The following ZBTB25 variants were observed in gnomAD, a reference collection of about 807,000 sequenced individuals.
ZBTB25 encodes the protein zinc finger and BTB domain containing 25.
ZBTB25 carries 20 observed loss-of-function variants against 34.2 expected under a neutral mutation model. The observed-to-expected ratio is 0.58, with a 90% CI of 0.41 to 0.85. The LOEUF (loss-of-function observed/expected upper bound fraction) is 0.85. Among genes scored for constraint, ZBTB25 ranks in the 40% least tolerant of loss-of-function variants. ZBTB25 has a pLI of 0.00. For synonymous variants in ZBTB25, 175 were observed against 186.4 expected (o/e 0.94, Z 0.50); for missense variants, 437 against 521.8 (o/e 0.84, Z 1.58).
exon 3 of ZBTB25, chr14:64,449,549 C>T (rs1328327540): frequency 1.2e-6 from 2 of 1,614,170 alleles, no homozygotes; most frequent in Admixed American, 1.7e-5. Context: ...GGCAAGGGTG[C>T]CTTAGCCCTG....
intron 2 of ZBTB25, chr14:64,461,028 A>T (rs2078548699): frequency 6.6e-6 from 1 of 152,076 alleles, no homozygotes; most frequent in African/African-American, 2.4e-5. Flanking sequence ...TCTGTCTAAA[A>T]AAATAAATCA....
chr14:64,472,693 C>T (rs960015122), intron 2 of ZBTB25: 5 of 166,858 alleles, frequency 3.0e-5, no homozygotes, highest in African/African-American at 9.7e-5. Context: ...ATGGCCAAAT[C>T]CTATTACAGT....
chr14:64,496,243 G>A (rs1165796225), intron 1 of ZBTB25, among the ~76,000 whole-genome samples: 1 of 152,072 alleles, frequency 6.6e-6, no homozygotes, highest in African/African-American at 2.4e-5. Flanking sequence ...CCAGCACTTT[G>A]GGAGGCCAAG....
chr14:64,466,322 G>C (rs2078613115), intron 2 of ZBTB25, among the ~76,000 whole-genome samples: 1 of 152,154 alleles, frequency 6.6e-6, no homozygotes, highest in Non-Finnish European at 1.5e-5. Context: ...GTTTCTGTTT[G>C]GGTATTCGTT....
intron 1 of ZBTB25, among the ~76,000 whole-genome samples, chr14:64,491,599 A>T (rs2141033185): frequency 6.6e-6 from 1 of 152,376 alleles, no homozygotes; most frequent in Middle Eastern, 3.4e-3. Flanking sequence ...AAGAACATGC[A>T]GAATTCTGGC....
intron 2 of ZBTB25, among the ~76,000 whole-genome samples, chr14:64,451,010 A>G (rs573311554): frequency 1.3e-5 from 2 of 152,274 alleles, no homozygotes; most frequent in South Asian, 4.1e-4. Flanking sequence ...TCTACTAAAA[A>G]TACAAAAAAT....
At chr14:64,499,916 C>T (rs376440204) in intron 1 of ZBTB25, among the ~76,000 whole-genome samples, 6 of 152,178 alleles carry the variant, frequency 3.9e-5, no homozygotes, top group Non-Finnish European at 5.9e-5. Context: ...AACTGGGAAA[C>T]GTTAGTTTGG....
chr14:64,449,964 AT>A lies in ZBTB25; in HGVS notation c.174-327del, dbSNP rs199540813. On this transcript the variant is annotated intron_variant, in intron 2 of 2. Transcript: ENST00000555220. Reference sequence around the variant, plus strand: ...CCACCGTGCCCAGCTAATTTTTCTTATTTTTTTAGTAGAGATGGGGTTTCAC... The same window carrying A: ...CCACCGTGCCCAGCTAATTTTTCTTATTTTTTAGTAGAGATGGGGTTTCAC... Among the ~76,000 whole-genome samples, 1,140 of 151,952 alleles carry A rather than the reference AT, an allele frequency of 7.5e-3. 7 individuals are homozygous for A. The highest frequency in any genetic ancestry group is 0.027 in the African/African-American group (1,101 of 41,438).
chr14:64,502,597 C>T (rs2079532734), intron 1 of ZBTB25: 15 of 979,364 alleles, frequency 1.5e-5, no homozygotes, highest in Non-Finnish European at 1.8e-5. Flanking sequence ...CAAACCCACA[C>T]AGTGGCCATG....
chr14:64,502,158 C>CTGCAAGTACTCAGTAAAT (rs2079518708), intron 1 of ZBTB25, among the ~76,000 whole-genome samples: 1 of 152,252 alleles, frequency 6.6e-6, no homozygotes, highest in Non-Finnish European at 1.5e-5. Flanking sequence ...ACTTGGCCCA[C>CTGCAAGTACTCAGTAAAT]TGCAAGTACT....
At chr14:64,460,162 T>G (rs1340763886) in intron 2 of ZBTB25, 1 of 476,416 alleles carries the variant, frequency 2.1e-6, no homozygotes, top group Non-Finnish European at 3.7e-6. Context: ...AATGTATGCA[T>G]GCTTGTGTAT....
rs563992464 is a variant in ZBTB25 at position 64,458,242 on chromosome 14, G to A, written c.174-8604C>T. ...AGCACAATGCCTGGACTCCCCACCC[G>A]GCCCTGTTTTTATGATATTGATTTG... is the stretch of plus-strand genomic sequence containing the variant. On this transcript the variant is annotated intron_variant, in intron 2 of 2. Transcript: ENST00000555220. 30 of 1,612,856 alleles carry A rather than the reference G, an allele frequency of 1.9e-5. No homozygotes were observed. Among genetic ancestry groups the A allele is most frequent in the East Asian group, 2.2e-5 (1 of 44,860 alleles).
intron 2 of ZBTB25, chr14:64,458,576 T>C: frequency 2.1e-6 from 1 of 481,694 alleles, no homozygotes; most frequent in Non-Finnish European, 3.8e-6. Context: ...TCCAATAAAC[T>C]ACAGAGGAAA....
chr14:64,486,100 C>G lies in ZBTB25; in HGVS notation c.*823G>C. ...AGATGACGAGGTCAGGAGATCGAGA[C>G]CATCCTGGCTAACACGGTGAAACCC... On this transcript the variant is annotated 3_prime_UTR_variant, in exon 3 of 3. Transcript: ENST00000608382. The G allele has an allele frequency of 2.6e-6, 2 of 776,750 alleles. No homozygotes were observed. The highest frequency in any genetic ancestry group is 3.1e-6 in the Non-Finnish European group (2 of 640,412). The allele number at this position is 776,750 out of a possible 1,614,324, so 48.1% of individuals were successfully genotyped here.
In ZBTB25 at chr14:64,483,718, C is replaced by A. The variant is rs1286932632; in HGVS notation, c.*3205G>T. 6.6e-6 allele frequency: 1 copy of A among 152,030 alleles called. No individual in the cohort carries two copies. The highest frequency in any genetic ancestry group is 1.9e-4 in the East Asian group (1 of 5,188). 9.4% of individuals were successfully genotyped at this position (152,030 alleles called of 1,614,324 possible). On this transcript the variant is annotated 3_prime_UTR_variant, in exon 3 of 3. Coordinates refer to ENST00000608382, the MANE Select transcript of ZBTB25 (RefSeq NM_006977.5). ...GCAGACCCGGGCGCGGTGGCTCATG[C>A]CTGTAATCTGAGGCAGGCAGATCAT...
chr14:64,475,824 C>G (rs920804892), downstream of ZBTB25, among the ~76,000 whole-genome samples: 6 of 152,190 alleles, frequency 3.9e-5, no homozygotes, highest in Non-Finnish European at 5.9e-5. Context: ...AAACTCCAGC[C>G]TATCATAACA....
intron 2 of ZBTB25, among the ~76,000 whole-genome samples, chr14:64,464,805 AAGAT>A (rs1393771182): frequency 2.0e-5 from 3 of 152,300 alleles, no homozygotes; most frequent in African/African-American, 7.2e-5. Flanking sequence ...TGTAAGGTAT[AAGAT>A]GGATGGAGCT....
At chr14:64,455,830 C>T (rs189250993) in intron 2 of ZBTB25, among the ~76,000 whole-genome samples, 107 of 152,348 alleles carry the variant, frequency 7.0e-4, no homozygotes, top group African/African-American at 2.4e-3. Flanking sequence ...CTGCCCTCAG[C>T]TCACACTGTA....
intron 2 of ZBTB25, chr14:64,468,773 A>C: frequency 6.2e-7 from 1 of 1,614,220 alleles, no homozygotes; most frequent in South Asian, 1.1e-5. Flanking sequence ...TAGACTTAAG[A>C]TTCCCTGCAT....
Sources: gnomAD v4.1 joint callset for allele counts (sites outside exome capture counted in the v4.1 genomes callset) on GRCh38, gnomAD v4.1.1 for gene constraint, MANE v1.5 for transcripts, NCBI Gene and HGNC (gene_info 2026-07-23, HGNC 2026-07-21) for gene names.